The following RGPD3 variants were observed in gnomAD, a reference collection of about 807,000 sequenced individuals.
The protein encoded by RGPD3 is ranBP2-like and GRIP domain-containing protein 3.
In RGPD3, 62 loss-of-function variants were observed where a neutral mutation model predicts 154.5. That is an observed-to-expected ratio of 0.40 (90% confidence interval 0.33 to 0.50). The LOEUF is 0.50. RGPD3 is among the 20% of genes least tolerant of loss of function. The pLI is 0.59. For missense variants in RGPD3, 919 were observed against 1,716.8 expected (o/e 0.54, Z 8.21); for synonymous variants, 308 against 607.0 (o/e 0.51, Z 7.24).
At chr2:106,415,397 G>A (rs1198593780) in intron 21 of RGPD3, among the ~76,000 whole-genome samples, 1 of 152,202 alleles carries the variant, frequency 6.6e-6, no homozygotes, top group East Asian at 1.9e-4. Flanking sequence ...AAGTATTTTG[G>A]CTGGATGCGG....
In RGPD3 at chr2:106,434,239, C is replaced by G. The variant is rs1221756027; in HGVS notation, c.2194G>C (p.Val732Leu). ...AACCTGCTACTTACTTTCTTGACCACTGAAAGATTTGAATCACTGTCATCT... is the reference window on the plus strand; with the variant it reads ...AACCTGCTACTTACTTTCTTGACCAGTGAAAGATTTGAATCACTGTCATCT... ...ILDDSDSNLS[V>L]VKKLPVPLES... Residue 732 changes from valine to leucine, a missense_variant, in exon 15 of 23, where the codon GTG (valine) becomes CTG (leucine). By Grantham distance (32) the Val-to-Leu change is conservative (BLOSUM62 1). Coordinates refer to ENST00000409886, the MANE Select transcript of RGPD3 (RefSeq NM_001144013.2). The G allele has an allele frequency of 8.8e-6, 14 of 1,586,760 alleles. No individual in the cohort carries two copies. The highest frequency in any genetic ancestry group is 2.8e-5 in the African/African-American group (2 of 72,366).
At position 106,423,322 on chromosome 2, in the gene RGPD3, T is replaced by C; in HGVS notation, c.4645A>G (p.Ile1549Val). 2 of 1,612,046 alleles carry C rather than the reference T, an allele frequency of 1.2e-6. No individual in the cohort carries two copies. Among genetic ancestry groups the C allele is most frequent in the Non-Finnish European group, 1.7e-6 (2 of 1,179,840 alleles). ...GGTTTTGATTTTTCACTACTAAAAA[T>C]TCTTTTAACAGACTCTGAACCAAAT... ...FVFGSESVKRIFSSEKSKPFA... is the reference protein window; with the variant it reads ...FVFGSESVKRVFSSEKSKPFA... Residue 1549 changes from isoleucine (I) to valine (V), a missense_variant, in exon 20 of 23, where the codon ATT becomes GTT. Transcript: ENST00000409886.
Position 106,441,302 on chromosome 2 carries a change from T to A in RGPD3, c.1057A>T (p.Ser353Cys). The change falls in exon 8 of 23, where the codon AGC becomes TGC. Residue 353 changes from serine to cysteine, a missense_variant. Coordinates refer to ENST00000409886, the MANE Select transcript of RGPD3 (RefSeq NM_001144013.2). ...TTAATATTACTATTACCTGATTGGCTCAGTCGGTCACAGGCCATCATTTCC... is the reference window on the plus strand; with the variant it reads ...TTAATATTACTATTACCTGATTGGCACAGTCGGTCACAGGCCATCATTTCC... ...LLEMMACDRL[S>C]QSGHMLLNLS... is the part of the protein sequence containing the mutation. The A allele has an allele frequency of 6.5e-7, 1 of 1,534,284 alleles. No individual in the cohort carries two copies. The highest frequency in any genetic ancestry group is 8.8e-7 in the Non-Finnish European group (1 of 1,133,752).
intron 1 of RGPD3, among the ~76,000 whole-genome samples, chr2:106,467,090 GC>G (rs1262683875): frequency 8.8e-6 from 1 of 113,972 alleles, no homozygotes; most frequent in African/African-American, 2.9e-5. Flanking sequence ...CATCGAGGCC[GC>G]CGCAGGGCCA....
At chr2:106,405,568 A>G (rs1405655892) in intron 22 of RGPD3, among the ~76,000 whole-genome samples, 2 of 151,990 alleles carry the variant, frequency 1.3e-5, no homozygotes, top group South Asian at 2.1e-4. Flanking sequence ...GTAGAGATGC[A>G]GGTCTCACTG....
chr2:106,415,562 A>G (rs1676799602), intron 21 of RGPD3, among the ~76,000 whole-genome samples: 1 of 149,090 alleles, frequency 6.7e-6, no homozygotes, highest in East Asian at 2.0e-4. Context: ...CTGTAGTCCC[A>G]GCTACTTGGG....
At chr2:106,459,236 A>C (rs1425414662) in intron 2 of RGPD3, 29 bp downstream of exon 2, 1 of 1,014,834 alleles carries the variant, frequency 9.9e-7, no homozygotes, top group Admixed American at 2.8e-5. Flanking sequence ...GATTTTAAAA[A>C]AAGAATACAT....
intron 20 of RGPD3, among the ~76,000 whole-genome samples, chr2:106,420,702 A>T (rs1467457963): frequency 2.0e-4 from 31 of 152,292 alleles, no homozygotes; most frequent in Admixed American, 2.0e-3. Context: ...TCTATCGATA[A>T]AGTTACTTTC....
chr2:106,466,420 C>T (rs1181349228), intron 1 of RGPD3, among the ~76,000 whole-genome samples: 123 of 136,018 alleles, frequency 9.0e-4, no homozygotes, highest in Non-Finnish European at 1.5e-3. Context: ...CAGCGCCCGT[C>T]GGGAGCCATG....
rs983368821 is a variant in RGPD3 at position 106,468,392 on chromosome 2, G to A, written c.-104C>T. The stretch of plus-strand genomic sequence containing the variant: ...GCCTGAAAGCCACTGAGGCAGCGGC[G>A]TAGCCGGCGGAGGACCACTGTGACG... On this transcript the variant is annotated 5_prime_UTR_variant, in exon 1 of 23. It adds an upstream start codon to the 5' untranslated region. Transcript: ENST00000409886. The A allele has an allele frequency of 1.2e-5, 19 of 1,536,430 alleles. No homozygotes were observed. The African/African-American group carries it at 2.1e-4, about 17-fold the overall frequency.
At position 106,403,677 on chromosome 2, in the gene RGPD3, A is replaced by C; in HGVS notation, c.*1542T>G. 6.6e-6 allele frequency among the ~76,000 whole-genome samples: 1 copy of C among 152,300 alleles called. No individual in the cohort carries two copies. ...CATATTCACAGTTTATAAAGTAAAA[A>C]AACTAAACTCTTCATGTCGGCTCTG... is the stretch of plus-strand genomic sequence containing the variant. On this transcript the variant is annotated 3_prime_UTR_variant, in exon 23 of 23. Coordinates refer to ENST00000409886, the MANE Select transcript of RGPD3 (RefSeq NM_001144013.2).
chr2:106,421,646 T>C (rs1322668686), intron 20 of RGPD3, among the ~76,000 whole-genome samples: 9 of 152,124 alleles, frequency 5.9e-5, no homozygotes, highest in African/African-American at 2.2e-4. Flanking sequence ...AGCTGTAGAA[T>C]GCTGGCTGTT....
intron 6 of RGPD3, among the ~76,000 whole-genome samples, chr2:106,451,808 G>A (rs1258877220): frequency 6.6e-6 from 1 of 151,932 alleles, no homozygotes; most frequent in African/African-American, 2.4e-5. Flanking sequence ...GATGCTAAGT[G>A]CTTATACTAG....
Position 106,423,582 on chromosome 2 carries a change from T to C in RGPD3, c.4385A>G (p.Asp1462Gly). Residue 1462 changes from aspartate to glycine, a missense_variant, in exon 20 of 23, where the codon GAT (aspartate) becomes GGT (glycine). By Grantham distance (94) the Asp-to-Gly change is moderately conservative. Coordinates refer to ENST00000409886, the MANE Select transcript of RGPD3 (RefSeq NM_001144013.2). ...DVADSFKKIF[D>G]EAKTAQEKDS... is the part of the protein sequence containing the mutation. The stretch of plus-strand genomic sequence containing the variant: ...TTTTTCCTGGGCTGTTTTTGCTTCA[T>C]CAAAAATTTTCTTAAACGAGTCTGC... 2 of 1,562,692 alleles carry C rather than the reference T, an allele frequency of 1.3e-6. No individual in the cohort carries two copies. Among genetic ancestry groups the C allele is most frequent in the Non-Finnish European group, 1.7e-6 (2 of 1,150,530 alleles).
At chr2:106,422,596 G>A (rs1677030242) in intron 20 of RGPD3, among the ~76,000 whole-genome samples, 1 of 151,490 alleles carries the variant, frequency 6.6e-6, no homozygotes, top group South Asian at 2.1e-4. Flanking sequence ...TGGCCAGGCT[G>A]GTCTCGAACT....
Position 106,468,301 on chromosome 2 carries a change from C to G in RGPD3, c.-13G>C. On this transcript the variant is annotated 5_prime_UTR_variant, in exon 1 of 23. Transcript: ENST00000409886. Reference sequence around the variant, plus strand: ...TGCTGCAACTCATCGCGCCACCAACCTGGCTCCCGAGATGCGTGAGACCAG... The same window carrying G: ...TGCTGCAACTCATCGCGCCACCAACGTGGCTCCCGAGATGCGTGAGACCAG... 2 of 1,601,616 alleles carry G rather than the reference C, an allele frequency of 1.2e-6. No homozygotes were observed. Among genetic ancestry groups the G allele is most frequent in the South Asian group, 2.3e-5 (2 of 88,608 alleles).
chr2:106,444,293 ATC>A (rs1281975636), intron 7 of RGPD3, among the ~76,000 whole-genome samples: 1 of 42,086 alleles, frequency 2.4e-5, no homozygotes. Context: ...TGAGGTAGGT[ATC>A]TCTGTGCTGA....
intron 20 of RGPD3, among the ~76,000 whole-genome samples, chr2:106,418,543 A>G (rs1435832346): frequency 6.6e-6 from 1 of 152,118 alleles, no homozygotes; most frequent in Non-Finnish European, 1.5e-5. Context: ...GCCTAGCAAG[A>G]CTTTGCTGTT....
At chr2:106,434,189 T>C (rs769118557) in intron 15 of RGPD3, 39 bp downstream of exon 15, 44 of 1,589,698 alleles carry the variant, frequency 2.8e-5, no homozygotes, top group Non-Finnish European at 3.6e-5. Flanking sequence ...GACCAGTGGG[T>C]TATCAGTAAG....
Sources: allele counts gnomAD v4.1 joint callset (sites outside exome capture counted in the v4.1 genomes callset), GRCh38; gene constraint gnomAD v4.1.1; transcripts MANE v1.5; gene names NCBI Gene and HGNC (gene_info 2026-07-23, HGNC 2026-07-21).